Variants in KCNH8 observed in about 807,000 individuals in gnomAD.
The protein encoded by KCNH8 is voltage-gated delayed rectifier potassium channel KCNH8.
In KCNH8, 70 loss-of-function variants were observed where a neutral mutation model predicts 103.6. The observed-to-expected ratio is 0.68, with a 90% CI of 0.56 to 0.82. The LOEUF (loss-of-function observed/expected upper bound fraction) is 0.82, where lower values mean the gene tolerates loss of function less well. Ranked by LOEUF, KCNH8 falls within the 40% of genes least tolerant of loss-of-function variation. The pLI is 0.00. For missense variants in KCNH8, 1,217 were observed against 1,329.9 expected (o/e 0.92, Z 1.32); for synonymous variants, 498 against 489.4 (o/e 1.02, Z -0.23).
intron 3 of KCNH8, among the ~76,000 whole-genome samples, chr3:19,292,376 A>T (rs900175642): frequency 1.3e-5 from 2 of 152,176 alleles, no homozygotes; most frequent in Non-Finnish European, 2.9e-5. Context: ...ACGCAGTGGC[A>T]TTTCTTGGTT....
chr3:19,333,764 A>G (rs745911069), intron 3 of KCNH8, among the ~76,000 whole-genome samples: 21 of 152,214 alleles, frequency 1.4e-4, no homozygotes, highest in Non-Finnish European at 2.5e-4. Flanking sequence ...TTTCCTTAAC[A>G]AATTTGGACC....
At chr3:19,363,505 T>C (rs2065972576) in intron 5 of KCNH8, among the ~76,000 whole-genome samples, 1 of 152,152 alleles carries the variant, frequency 6.6e-6, no homozygotes, top group Non-Finnish European at 1.5e-5. Flanking sequence ...AACAGCTTCA[T>C]AATTTTGCTG....
At position 19,287,529 on chromosome 3, in the gene KCNH8, A is replaced by G. The variant is rs1192979033; in HGVS notation, c.442+6200A>G. Among the ~76,000 whole-genome samples the G allele has an allele frequency of 2.0e-5, 3 of 152,138 alleles. No homozygotes were observed. The East Asian group carries it at 5.8e-4, about 29-fold the overall frequency. On this transcript the variant is annotated intron_variant, in intron 3 of 15. Coordinates refer to ENST00000328405, the MANE Select transcript of KCNH8 (RefSeq NM_144633.3). Reference sequence around the variant, plus strand: ...CTCAAGTAAGTAGATTTTAAGTTCAAATTATTTAAGAATCAGCTTAATAAG... The same window carrying G: ...CTCAAGTAAGTAGATTTTAAGTTCAGATTATTTAAGAATCAGCTTAATAAG...
intron 7 of KCNH8, among the ~76,000 whole-genome samples, chr3:19,433,017 G>T (rs6805014): frequency 0.021 from 3,222 of 151,864 alleles, 93 homozygotes; most frequent in African/African-American, 0.06. Flanking sequence ...TTTTTGGGGG[G>T]TTTTTTTGTA....
intron 7 of KCNH8, among the ~76,000 whole-genome samples, chr3:19,431,854 T>C (rs1467474936): frequency 6.6e-6 from 1 of 152,194 alleles, no homozygotes; most frequent in Admixed American, 6.5e-5. Flanking sequence ...ATATCACCCT[T>C]ATAATTTCTG....
At chr3:19,316,358 T>C (rs1241692588) in intron 3 of KCNH8, among the ~76,000 whole-genome samples, 2 of 151,862 alleles carry the variant, frequency 1.3e-5, no homozygotes, top group Non-Finnish European at 2.9e-5. Context: ...CCCTTAGTGG[T>C]AAAATCTCCC....
intron 1 of KCNH8, among the ~76,000 whole-genome samples, chr3:19,152,634 A>G (rs1575398044): frequency 6.6e-6 from 1 of 152,188 alleles, no homozygotes; most frequent in South Asian, 2.1e-4. Flanking sequence ...AAATGGTCCA[A>G]AGAAATTTGT....
intron 11 of KCNH8, among the ~76,000 whole-genome samples, chr3:19,491,498 G>T (rs2068320327): frequency 6.6e-6 from 1 of 152,304 alleles, no homozygotes; most frequent in Middle Eastern, 3.4e-3. Flanking sequence ...TGCTGTGAAA[G>T]ACATGATTTC....
chr3:19,500,431 C>T lies in KCNH8; in HGVS notation c.2041-9932C>T, dbSNP rs570201053. ...GAATTGAACTCAGCTCTGCACCAAG[C>T]GGACCTAATAGACATCTACAGAACT... On this transcript the variant is annotated intron_variant, in intron 11 of 15. Coordinates refer to ENST00000328405, the MANE Select transcript of KCNH8 (RefSeq NM_144633.3). 4.4e-3 allele frequency among the ~76,000 whole-genome samples: 663 copies of T among 152,160 alleles called. 4 individuals carry two copies. The highest frequency in any genetic ancestry group is 0.018 in the South Asian group (86 of 4,812).
rs1235755818 is a variant in KCNH8 at position 19,441,389 on chromosome 3, C to T, written c.1375+3028C>T. 9.2e-5 allele frequency among the ~76,000 whole-genome samples: 14 copies of T among 152,210 alleles called. 1 individual carries two copies. The highest frequency in any genetic ancestry group is 9.2e-4 in the Admixed American group (14 of 15,284). ...ACCCCAGGAAAACCAGTTCTCTATA[C>T]TGAATTACTGCTGTTGAAATATTTA... On this transcript the variant is annotated intron_variant, in intron 8 of 15. Transcript: ENST00000328405.
chr3:19,204,535 A>G (rs2063695335), intron 1 of KCNH8, among the ~76,000 whole-genome samples: 1 of 152,044 alleles, frequency 6.6e-6, no homozygotes, highest in South Asian at 2.1e-4. Context: ...TAAGATTCAT[A>G]TTTTAGCCAA....
chr3:19,240,974 C>A (rs2125244829), intron 1 of KCNH8, among the ~76,000 whole-genome samples: 1 of 152,230 alleles, frequency 6.6e-6, no homozygotes, highest in South Asian at 2.1e-4. Flanking sequence ...GTCATGATAA[C>A]CCTCTACTAG....
At chr3:19,528,995 GAGA>G (rs1161265744) in intron 15 of KCNH8, among the ~76,000 whole-genome samples, 2 of 152,082 alleles carry the variant, frequency 1.3e-5, no homozygotes, top group Non-Finnish European at 2.9e-5. Context: ...AAGTTTGAAG[GAGA>G]AGATTTTCTT....
At chr3:19,226,584 TTC>T (rs113627715) in intron 1 of KCNH8, among the ~76,000 whole-genome samples, 42 of 147,358 alleles carry the variant, frequency 2.9e-4, no homozygotes, top group Non-Finnish European at 3.3e-4. Context: ...CTTTCAGTCT[TTC>T]TCTCTCTCTC....
At chr3:19,372,780 T>C (rs1374507859) in intron 5 of KCNH8, among the ~76,000 whole-genome samples, 6 of 152,284 alleles carry the variant, frequency 3.9e-5, no homozygotes, top group African/African-American at 9.6e-5. Flanking sequence ...TTTTGAAATA[T>C]GTCCCATCAA....
intron 1 of KCNH8, among the ~76,000 whole-genome samples, chr3:19,240,355 G>T (rs980522671): frequency 6.6e-6 from 1 of 152,140 alleles, no homozygotes; most frequent in South Asian, 2.1e-4. Flanking sequence ...GCTCATGCCT[G>T]TAATCCCATC....
intron 1 of KCNH8, among the ~76,000 whole-genome samples, chr3:19,183,447 A>T (rs2063475264): frequency 6.6e-6 from 1 of 152,312 alleles, no homozygotes; most frequent in Admixed American, 6.5e-5. Flanking sequence ...ATGGAATCGA[A>T]TATACAGCCA....
rs149879138 is a variant in KCNH8, at chr3:19,173,809, A to G, written c.76+25014A>G. Among the ~76,000 whole-genome samples the G allele has an allele frequency of 2.7e-3, 411 of 152,200 alleles. 3 individuals carry two copies. The highest frequency in any genetic ancestry group is 9.2e-3 in the African/African-American group (384 of 41,522). ...GATTCTCTTGATTATTGCATATTCTACATCTTCACATTTATCCTCAAAGTA... is the reference window on the plus strand; with the variant it reads ...GATTCTCTTGATTATTGCATATTCTGCATCTTCACATTTATCCTCAAAGTA... On this transcript the variant is annotated intron_variant, in intron 1 of 15. Transcript: ENST00000328405.
intron 5 of KCNH8, among the ~76,000 whole-genome samples, chr3:19,382,069 C>T (rs2197126): frequency 0.73 from 110,212 of 152,014 alleles, 41,358 homozygotes; most frequent in African/African-American, 0.93. Flanking sequence ...CCCTTAAGAT[C>T]AATGCATTTT....
Sources: gnomAD v4.1 joint callset for allele counts (sites outside exome capture counted in the v4.1 genomes callset) on GRCh38, gnomAD v4.1.1 for gene constraint, MANE v1.5 for transcripts, NCBI Gene and HGNC (gene_info 2026-07-23, HGNC 2026-07-21) for gene names.